Variants in GABRA2 observed in about 807,000 individuals in gnomAD.
The protein encoded by GABRA2 is gamma-aminobutyric acid type A receptor subunit alpha2.
GABRA2 carries 16 observed loss-of-function variants against 48.7 expected under a neutral mutation model. That is an observed-to-expected ratio of 0.33 (90% confidence interval 0.22 to 0.50). The LOEUF is 0.50. GABRA2 is among the 20% of genes least tolerant of loss of function. GABRA2 has a pLI of 0.98. For missense variants in GABRA2, 275 were observed against 535.6 expected (o/e 0.51, Z 4.80); for synonymous variants, 185 against 184.5 (o/e 1.00, Z -0.02).
At chr4:46,320,568 GA>G (rs1472440859) in intron 4 of GABRA2, among the ~76,000 whole-genome samples, 2 of 151,814 alleles carry the variant, frequency 1.3e-5, no homozygotes, top group Non-Finnish European at 2.9e-5. Flanking sequence ...AATACATAAG[GA>G]ATTCACACAA....
At chr4:46,322,747 T>G (rs756089845) in intron 4 of GABRA2, among the ~76,000 whole-genome samples, 15 of 151,960 alleles carry the variant, frequency 9.9e-5, no homozygotes, top group Non-Finnish European at 2.1e-4. Context: ...ATTGTAAATT[T>G]AATGTAGTAT....
chr4:46,378,176 G>C (rs1716214393), intron 3 of GABRA2, among the ~76,000 whole-genome samples: 1 of 152,084 alleles, frequency 6.6e-6, no homozygotes, highest in Non-Finnish European at 1.5e-5. Flanking sequence ...AGCTCATTGA[G>C]AACGGGCCAT....
intron 9 of GABRA2, among the ~76,000 whole-genome samples, chr4:46,250,813 T>G (rs537109787): frequency 1.6e-3 from 243 of 151,738 alleles, no homozygotes; most frequent in African/African-American, 5.6e-3. Flanking sequence ...GTGGTACCAC[T>G]TTCTTGAGGA....
rs575032008 is a variant in GABRA2 at position 46,375,290 on chromosome 4, C to T, written c.187+10784G>A. Among the ~76,000 whole-genome samples the T allele has an allele frequency of 6.6e-5, 10 of 152,018 alleles. No individual in the cohort carries two copies. In the East Asian group the frequency reaches 1.9e-3, roughly 29 times the overall value. ...TATTTGTAAATGATAAGATCTGTAC[C>T]TCATGGGATGAGGGTATTTTAAGTT... On this transcript the variant is annotated intron_variant, in intron 3 of 9. Transcript: ENST00000381620.
intron 3 of GABRA2, among the ~76,000 whole-genome samples, chr4:46,357,959 T>C (rs1736277349): frequency 6.6e-6 from 1 of 152,032 alleles, no homozygotes; most frequent in Non-Finnish European, 1.5e-5. Context: ...CGCCCAGCTG[T>C]GAAACTTTCA....
intron 8 of GABRA2, among the ~76,000 whole-genome samples, chr4:46,273,241 G>A (rs1719692012): frequency 6.6e-6 from 1 of 151,486 alleles, no homozygotes; most frequent in East Asian, 1.9e-4. Flanking sequence ...TCTTGTTGTT[G>A]TTTTTCATTT....
intron 3 of GABRA2, among the ~76,000 whole-genome samples, chr4:46,342,948 C>A (rs534088440): frequency 6.6e-6 from 1 of 152,112 alleles, no homozygotes; most frequent in East Asian, 1.9e-4. Flanking sequence ...CAGGTATAAG[C>A]CACAGAGCCC....
intron 4 of GABRA2, among the ~76,000 whole-genome samples, chr4:46,326,356 C>G (rs913206883): frequency 6.6e-6 from 1 of 151,882 alleles, no homozygotes; most frequent in Non-Finnish European, 1.5e-5. Flanking sequence ...GCAAAACACA[C>G]GGGTTCATAC....
intron 4 of GABRA2, among the ~76,000 whole-genome samples, chr4:46,318,542 C>A (rs71611971): frequency 1.7e-3 from 259 of 151,600 alleles, no homozygotes; most frequent in Non-Finnish European, 6.7e-4. Context: ...AAAGGATATT[C>A]TTGAAAAGTG....
chr4:46,386,991 TTTTCTCCATTA>T (rs1438041709), intron 2 of GABRA2: 1 of 152,226 alleles, frequency 6.6e-6, no homozygotes, highest in South Asian at 2.1e-4. Context: ...GAAATTGTGA[TTTTCTCCATTA>T]TTTCTCCATC....
intron 8 of GABRA2, among the ~76,000 whole-genome samples, chr4:46,279,913 A>G (rs943859716): frequency 1.3e-5 from 2 of 152,120 alleles, no homozygotes; most frequent in East Asian, 1.9e-4. Context: ...TATAGATTAT[A>G]TAAGTAGTAC....
At position 46,288,255 on chromosome 4, in the gene GABRA2, G is replaced by A. The variant is rs76051729; in HGVS notation, c.856+15205C>T. ...GGAATATGTTCCTTATTTGGCTCTC[G>A]GCTTGACTGTTGTTGGGGTATAGAA... On this transcript the variant is annotated intron_variant, in intron 8 of 9. Coordinates refer to ENST00000381620, the MANE Select transcript of GABRA2 (RefSeq NM_000807.4). 1.6e-4 allele frequency among the ~76,000 whole-genome samples: 24 copies of A among 152,182 alleles called. No individual in the cohort carries two copies. The East Asian group carries it at 2.5e-3, about 16-fold the overall frequency.
chr4:46,297,018 G>T (rs1249649848), intron 8 of GABRA2, among the ~76,000 whole-genome samples: 1 of 152,000 alleles, frequency 6.6e-6, no homozygotes, highest in Admixed American at 6.6e-5. Flanking sequence ...CCTTATTATT[G>T]TCTTTATTTG....
intron 8 of GABRA2, among the ~76,000 whole-genome samples, chr4:46,262,409 G>C (rs1717165054): frequency 6.6e-6 from 1 of 152,024 alleles, no homozygotes; most frequent in Non-Finnish European, 1.5e-5. Context: ...TACTGTTGAA[G>C]TTAAAAAGAC....
At chr4:46,265,571 T>C (rs1366757455) in intron 8 of GABRA2, among the ~76,000 whole-genome samples, 1 of 149,930 alleles carries the variant, frequency 6.7e-6, no homozygotes, top group Non-Finnish European at 1.5e-5. Flanking sequence ...TTTTTTTCTC[T>C]TTTTTTCTTG....
chr4:46,276,008 G>C (rs1720428817), intron 8 of GABRA2, among the ~76,000 whole-genome samples: 1 of 151,984 alleles, frequency 6.6e-6, no homozygotes, highest in Admixed American at 6.6e-5. Flanking sequence ...CTTATAAAAA[G>C]TAGAATAATG....
intron 3 of GABRA2, among the ~76,000 whole-genome samples, chr4:46,340,832 T>G (rs2109852793): frequency 6.6e-6 from 1 of 152,160 alleles, no homozygotes; most frequent in Admixed American, 6.6e-5. Context: ...TTTCTGTCCT[T>G]TCTTTCCTTT....
intron 9 of GABRA2, chr4:46,261,672 G>A (rs2109349977): frequency 1.8e-6 from 1 of 569,564 alleles, no homozygotes; most frequent in South Asian, 2.4e-5. Context: ...ATGTGAGAGA[G>A]CATATGTAAA....
intron 3 of GABRA2, 108 bp from the exon 4 acceptor site, chr4:46,332,790 A>G: frequency 1.6e-6 from 1 of 639,342 alleles, no homozygotes; most frequent in Non-Finnish European, 2.7e-6. Context: ...CAAATTCGGG[A>G]GTACTGGGTT....
Sources: allele counts gnomAD v4.1 joint callset (sites outside exome capture counted in the v4.1 genomes callset), GRCh38; gene constraint gnomAD v4.1.1; transcripts MANE v1.5; gene names NCBI Gene and HGNC (gene_info 2026-07-23, HGNC 2026-07-21).